The following UMOD variants were observed in gnomAD, a reference collection of about 807,000 sequenced individuals.
UMOD encodes the protein Tamm-Horsfall urinary glycoprotein.
Under a neutral mutation model 66.0 loss-of-function variants are expected in UMOD, and 64 were observed. That is an observed-to-expected ratio of 0.97 (90% CI 0.79 to 1.19). The LOEUF (loss-of-function observed/expected upper bound fraction) is 1.19, where lower values mean the gene tolerates loss of function less well. UMOD is among the 50% of genes most tolerant of loss of function. The pLI, the probability that UMOD is intolerant of heterozygous loss-of-function variation, is 0.00. For synonymous variants in UMOD, 398 were observed against 352.7 expected, an observed-to-expected ratio of 1.13 and a Z score of -1.44; for missense variants, 764 against 850.9, an observed-to-expected ratio of 0.90 and a Z score of 1.27.
rs766470741 is a variant in UMOD, at chr16:20,346,228, G to A, written c.1080C>T (p.Tyr360=). The A allele has an allele frequency of 4.3e-6, 7 of 1,614,138 alleles. No individual in the cohort carries two copies. In the South Asian group the frequency reaches 6.6e-5, roughly 15 times the overall value. The change falls in exon 5 of 11, where the codon TAC becomes TAT. Residue 360 remains tyrosine (Y), a synonymous_variant. Coordinates refer to ENST00000396138, the MANE Select transcript of UMOD (RefSeq NM_003361.4). ...KSLGFDKVFM[Y]LSDSRCSGFN... ...AGCCCGAGCACCGGCTGTCACTCAG[G>A]TACATGAAGACCTTGTCGAAGCCCA...
At chr16:20,350,142 A>G (rs11865380) in intron 2 of UMOD, among the ~76,000 whole-genome samples, 108 of 152,166 alleles carry the variant, frequency 7.1e-4, no homozygotes, top group Non-Finnish European at 7.3e-4. Context: ...TAACCAGGAC[A>G]CCGCAATAGT....
At chr16:20,344,775 G>A (rs931708367) in intron 5 of UMOD, among the ~76,000 whole-genome samples, 1 of 152,148 alleles carries the variant, frequency 6.6e-6, no homozygotes, top group African/African-American at 2.4e-5. Context: ...CTGAGTCATA[G>A]CATTAGTTCC....
rs1965200151 is a variant in UMOD, at chr16:20,341,264, G to A, written c.1404C>T (p.Tyr468=). ...VRMALFQTPS[Y]TQPYQGSSVT... ...CGGAGGAGCCTTGGTAGGGCTGCGT[G>A]TAGGAAGGGGTCTGGAAGAGCGCCA... The change falls in exon 7 of 11, where the codon TAC becomes TAT. Residue 468 remains tyrosine, a synonymous_variant. Transcript: ENST00000396138. 1.2e-6 allele frequency: 2 copies of A among 1,614,114 alleles called. No homozygotes were observed. Among genetic ancestry groups the A allele is most frequent in the Non-Finnish European group, 8.5e-7 (1 of 1,180,038 alleles).
At chr16:20,338,230 C>T (rs189031665) in intron 7 of UMOD, among the ~76,000 whole-genome samples, 211 of 152,310 alleles carry the variant, frequency 1.4e-3, no homozygotes, top group African/African-American at 4.8e-3. Flanking sequence ...GGACTCAACT[C>T]CTGAAAGGCA....
chr16:20,350,925 A>C, intron 1 of UMOD, 86 bp from the exon 2 acceptor site: 1 of 1,368,254 alleles, frequency 7.3e-7, no homozygotes, highest in Non-Finnish European at 9.8e-7. Context: ...ATAGTATACA[A>C]CTCCAGGAGG....
chr16:20,341,229 G>T lies in UMOD; in HGVS notation c.1439C>A (p.Ser480Tyr), dbSNP rs746541949. 6.2e-7 allele frequency: 1 copy of T among 1,614,126 alleles called. No homozygotes were observed. Among genetic ancestry groups the T allele is most frequent in the East Asian group, 2.2e-5 (1 of 44,852 alleles). The change falls in exon 7 of 11, where the codon TCC becomes TAC. Residue 480 changes from serine to tyrosine, a missense_variant. By Grantham distance (144) the Ser-to-Tyr change is moderately radical. Transcript: ENST00000396138. ...QPYQGSSVTL[S>Y]TEAFLYVGTM... ...GCCCACGTAGAGAAAAGCCTCAGTG[G>T]ACAGTGTCACGGAGGAGCCTTGGTA...
chr16:20,345,399 T>C (rs1038278582), intron 5 of UMOD, among the ~76,000 whole-genome samples: 1 of 41,480 alleles, frequency 2.4e-5, no homozygotes, highest in African/African-American at 5.3e-5. Context: ...CTTTTCTTTT[T>C]TTTTCTTTCT....
chr16:20,349,760 A>G, intron 2 of UMOD: 1 of 1,526,690 alleles, frequency 6.6e-7, no homozygotes. Context: ...TGCACATTTT[A>G]TGTTTTCTGC....
chr16:20,336,861 C>T, intron 8 of UMOD, 134 bp from the exon 9 acceptor site: 7 of 756,142 alleles, frequency 9.3e-6, no homozygotes, highest in Admixed American at 2.1e-5. Flanking sequence ...ACCTGTATAC[C>T]GGGGCTCGTG....
At chr16:20,355,411 T>TC (rs200222043), upstream of UMOD, among the ~76,000 whole-genome samples, 1,326 of 141,046 alleles carry the variant, frequency 9.4e-3, 17 homozygotes, top group South Asian at 0.031. Flanking sequence ...TTCTTCTTCT[T>TC]TTTTTTTTTT....
intron 10 of UMOD, among the ~76,000 whole-genome samples, chr16:20,334,000 C>G (rs1011473085): frequency 7.0e-6 from 1 of 143,196 alleles, no homozygotes; most frequent in Non-Finnish European, 1.5e-5. Flanking sequence ...CACCACTGCA[C>G]TCCAGCCTGG....
intron 1 of UMOD, 84 bp from the exon 2 acceptor site, chr16:20,350,923 C>T: frequency 7.2e-7 from 1 of 1,390,772 alleles, no homozygotes; most frequent in Non-Finnish European, 9.6e-7. Flanking sequence ...GTATAGTATA[C>T]AACTCCAGGA....
At chr16:20,336,830 C>T (rs929507659) in intron 8 of UMOD, 103 bp from the exon 9 acceptor site, 2 of 1,062,352 alleles carry the variant, frequency 1.9e-6, no homozygotes, top group African/African-American at 1.6e-5. Flanking sequence ...TTCCCTTGCC[C>T]CAGGCAGAAG....
At chr16:20,341,668 G>A (rs1965226304) in intron 6 of UMOD, among the ~76,000 whole-genome samples, 1 of 152,128 alleles carries the variant, frequency 6.6e-6, no homozygotes. Flanking sequence ...ACTTGCTACT[G>A]CTATAGGCTT....
At chr16:20,345,403 TCTTTC>T (rs1445887564) in intron 5 of UMOD, among the ~76,000 whole-genome samples, 2,172 of 111,760 alleles carry the variant, frequency 0.019, 65 homozygotes, top group African/African-American at 0.095. Context: ...TCTTTTTTTT[TCTTTC>T]TTTCTTTCTT....
At chr16:20,334,529 T>G (rs554595338) in intron 10 of UMOD, among the ~76,000 whole-genome samples, 5 of 152,178 alleles carry the variant, frequency 3.3e-5, no homozygotes, top group African/African-American at 4.8e-5. Flanking sequence ...TGGGTAAACA[T>G]GTCTGGATGA....
At chr16:20,339,486 A>G (rs1007263955) in intron 7 of UMOD, among the ~76,000 whole-genome samples, 2 of 152,234 alleles carry the variant, frequency 1.3e-5, no homozygotes, top group Non-Finnish European at 2.9e-5. Flanking sequence ...AGTTGTATTA[A>G]GTTTGAGTTA....
chr16:20,335,583 C>T, intron 9 of UMOD, 63 bp from the exon 10 acceptor site: 5 of 1,518,126 alleles, frequency 3.3e-6, no homozygotes, highest in Non-Finnish European at 4.6e-6. Context: ...AGCATCCTGA[C>T]AGAAACCCCT....
Position 20,349,002 on chromosome 16 carries a change from A to G in UMOD, c.299T>C (p.Leu100Pro). The G allele has an allele frequency of 1.3e-6, 2 of 1,581,350 alleles. No homozygotes were observed. Among genetic ancestry groups the G allele is most frequent in the Non-Finnish European group, 1.7e-6 (2 of 1,163,734 alleles). ...GTCTGTGCAGCCGAGACCGGGCGAC[A>G]GGCGGAAGCCTTCGGGGCAGACGCA... ...FSCVCPEGFR[L>P]SPGLGCTDVD... The change falls in exon 3 of 11, where the codon CTG becomes CCG. Residue 100 changes from leucine to proline, a missense_variant. By Grantham distance (98) the Leu-to-Pro change is moderately conservative (BLOSUM62 -3). Coordinates refer to ENST00000396138, the MANE Select transcript of UMOD (RefSeq NM_003361.4).
Sources: allele counts gnomAD v4.1 joint callset (sites outside exome capture counted in the v4.1 genomes callset), GRCh38; gene constraint gnomAD v4.1.1; transcripts MANE v1.5; gene names NCBI Gene and HGNC (gene_info 2026-07-23, HGNC 2026-07-21).